GPSM2: variants seen among roughly 807,000 people sequenced by gnomAD.
The protein encoded by GPSM2 is G protein signaling modulator 2, also known as G protein-signaling modulator 2.
A neutral mutation model predicts 78.4 loss-of-function variants in GPSM2; 58 were observed. The observed-to-expected ratio is 0.74, with a 90% CI of 0.60 to 0.92. The LOEUF (loss-of-function observed/expected upper bound fraction) is 0.92. Among genes scored for constraint, GPSM2 ranks in the 40% least tolerant of loss-of-function variants. The pLI is 0.00. For synonymous variants in GPSM2, 224 were observed against 280.2 expected (o/e 0.80, Z 2.00); for missense variants, 700 against 815.5 (o/e 0.86, Z 1.73).
At chr1:108,902,701 G>A (rs1648912731) in intron 8 of GPSM2, among the ~76,000 whole-genome samples, 1 of 152,168 alleles carries the variant, frequency 6.6e-6, no homozygotes, top group Non-Finnish European at 1.5e-5. Flanking sequence ...CTCAGTATGA[G>A]AGAGAACTTT....
In GPSM2 at chr1:108,885,519, C is replaced by G. The variant is rs1251248935; in HGVS notation, c.-4C>G. The G allele has an allele frequency of 6.6e-7, 1 of 1,513,634 alleles. No individual in the cohort carries two copies. The highest frequency in any genetic ancestry group is 9.2e-7 in the Non-Finnish European group (1 of 1,089,052). 93.8% of individuals were successfully genotyped at this position (1,513,634 alleles called of 1,614,324 possible). A position where few individuals can be genotyped will look rare whatever the true frequency, so the allele number is the denominator to read the frequency against. ...TTATTTTATTCAGCTTATAATATGA[C>G]TCGATGGAGGAAAATTTGATAAGCA... On this transcript the variant is annotated 5_prime_UTR_variant, in exon 2 of 15. Transcript: ENST00000264126.
intron 1 of GPSM2, among the ~76,000 whole-genome samples, chr1:108,879,324 T>C (rs1030156554): frequency 3.9e-5 from 6 of 152,208 alleles, no homozygotes; most frequent in African/African-American, 1.4e-4. Context: ...AATTAAAGTT[T>C]GTTGGGCCTC....
chr1:108,926,345 A>G (rs190717289), intron 14 of GPSM2: 1 of 152,344 alleles, frequency 6.6e-6, no homozygotes, highest in African/African-American at 2.4e-5. Flanking sequence ...TAATGGACTT[A>G]AGAATCTAGG....
Position 108,931,574 on chromosome 1 carries a change from G to A in GPSM2, c.*1634G>A. On this transcript the variant is annotated 3_prime_UTR_variant, in exon 15 of 15. Transcript: ENST00000264126. ...GGGCAAATAGAACTATTTCTCTAAT[G>A]GCCAATGTTTTTTAAGAGTCATAAC... 7.0e-7 allele frequency: 1 copy of A among 1,431,478 alleles called. No homozygotes were observed. Among genetic ancestry groups the A allele is most frequent in the Non-Finnish European group, 9.2e-7 (1 of 1,082,890 alleles). The allele number at this position is 1,431,478 out of a possible 1,614,324, so 88.7% of individuals were successfully genotyped here.
At chr1:108,912,491 C>G (rs1649826794) in intron 10 of GPSM2, among the ~76,000 whole-genome samples, 3 of 151,790 alleles carry the variant, frequency 2.0e-5, no homozygotes, top group East Asian at 1.9e-4. Context: ...CACCTGTAAT[C>G]CCAGCACTTT....
chr1:108,911,791 G>A (rs1413347757), intron 10 of GPSM2, among the ~76,000 whole-genome samples: 1 of 140,626 alleles, frequency 7.1e-6, no homozygotes, highest in Non-Finnish European at 1.5e-5. Context: ...TACTCAAGTG[G>A]GAAGACAATT....
intron 11 of GPSM2, among the ~76,000 whole-genome samples, chr1:108,917,650 AT>A (rs1570943458): frequency 2.3e-5 from 1 of 44,324 alleles, no homozygotes; most frequent in South Asian, 8.0e-4. Context: ...ATATATATAT[AT>A]ATATATATAT....
intron 11 of GPSM2, among the ~76,000 whole-genome samples, chr1:108,914,672 A>G (rs913342022): frequency 6.6e-5 from 10 of 152,224 alleles, no homozygotes; most frequent in Admixed American, 5.9e-4. Context: ...CGGGCTAACA[A>G]TGATTTCTTC....
At chr1:108,922,602 A>G (rs759062698) in intron 13 of GPSM2, 26 bp downstream of exon 13, 2 of 1,557,818 alleles carry the variant, frequency 1.3e-6, no homozygotes, top group South Asian at 2.2e-5. Context: ...TTCTCCCCCG[A>G]TTTTAATAGT....
chr1:108,884,049 T>A (rs56141837), intron 1 of GPSM2, among the ~76,000 whole-genome samples: 2,773 of 152,164 alleles, frequency 0.018, 72 homozygotes, highest in African/African-American at 0.061. Flanking sequence ...TTCAAGTGAT[T>A]CTCATGCCTC....
intron 14 of GPSM2, among the ~76,000 whole-genome samples, chr1:108,928,270 G>A (rs971699036): frequency 6.6e-6 from 1 of 152,246 alleles, no homozygotes; most frequent in African/African-American, 2.4e-5. Flanking sequence ...GAGATAACAA[G>A]AGGCTAGAAT....
intron 13 of GPSM2, among the ~76,000 whole-genome samples, chr1:108,923,208 A>AT (rs1268046542): frequency 6.6e-6 from 1 of 151,698 alleles, no homozygotes; most frequent in Non-Finnish European, 1.5e-5. Context: ...AATTATTTTT[A>AT]TTTTTTGTGG....
chr1:108,932,219 A>G lies in GPSM2; in HGVS notation c.*2279A>G, dbSNP rs1652112219. On this transcript the variant is annotated 3_prime_UTR_variant, in exon 15 of 15. Transcript: ENST00000264126. ...AACCTGGGAGGTGGAGGTTGCAGTG[A>G]GCCGAGATTGTACCACCTCACTCCA... is the stretch of plus-strand genomic sequence containing the variant. 6.6e-6 allele frequency: 1 copy of G among 152,268 alleles called. No homozygotes were observed. Among genetic ancestry groups the G allele is most frequent in the South Asian group, 2.1e-4 (1 of 4,830 alleles). The allele number at this position is 152,268 out of a possible 1,614,324, so 9.4% of individuals were successfully genotyped here.
At chr1:108,896,773 G>C in intron 2 of GPSM2, 91 bp from the exon 3 acceptor site, 1 of 987,388 alleles carries the variant, frequency 1.0e-6, no homozygotes, top group Non-Finnish European at 1.6e-6. Context: ...CTGAACAAGA[G>C]TAGCCGCTTA....
Position 108,931,474 on chromosome 1 carries a change from G to C in GPSM2, c.*1534G>C, listed in dbSNP as rs1407824184. The C allele has an allele frequency of 2.6e-6, 4 of 1,550,746 alleles. No individual in the cohort carries two copies. The South Asian group carries it at 4.8e-5, about 18-fold the overall frequency. On this transcript the variant is annotated 3_prime_UTR_variant, in exon 15 of 15. Transcript: ENST00000264126. ...AACTTGTTTCACTCTGCTTGCTTCAGACTGTGCACAGCTGGGATGGGATCT... is the reference window on the plus strand; with the variant it reads ...AACTTGTTTCACTCTGCTTGCTTCACACTGTGCACAGCTGGGATGGGATCT...
chr1:108,892,152 G>C (rs185115731), intron 2 of GPSM2, among the ~76,000 whole-genome samples: 61 of 152,256 alleles, frequency 4.0e-4, no homozygotes, highest in Non-Finnish European at 8.2e-4. Flanking sequence ...AGAAAATGGA[G>C]AGTAGTCTTA....
chr1:108,884,467 CACA>C (rs1000532665), intron 1 of GPSM2, among the ~76,000 whole-genome samples: 24 of 152,276 alleles, frequency 1.6e-4, no homozygotes, highest in African/African-American at 5.8e-4. Flanking sequence ...TGTAGCTATG[CACA>C]ACAATTGAGA....
chr1:108,907,671 T>C (rs1281438006), intron 10 of GPSM2, among the ~76,000 whole-genome samples: 1 of 152,222 alleles, frequency 6.6e-6, no homozygotes, highest in African/African-American at 2.4e-5. Flanking sequence ...TGAGTGCTTA[T>C]GATATGCCAG....
At chr1:108,929,598 A>G in intron 14 of GPSM2, 103 bp from the exon 15 acceptor site, 1 of 1,011,232 alleles carries the variant, frequency 9.9e-7, no homozygotes, top group South Asian at 1.3e-5. Flanking sequence ...AGCCCCAAAT[A>G]AAAGTTTACA....
Sources: allele counts gnomAD v4.1 joint callset (sites outside exome capture counted in the v4.1 genomes callset), GRCh38; gene constraint gnomAD v4.1.1; transcripts MANE v1.5; gene names NCBI Gene and HGNC (gene_info 2026-07-23, HGNC 2026-07-21).